MKLN1: variants seen among roughly 807,000 people sequenced by gnomAD.
The protein encoded by MKLN1 is muskelin.
A neutral mutation model predicts 99.0 loss-of-function variants in MKLN1; 18 were observed. The observed-to-expected ratio is 0.18, with a 90% CI of 0.13 to 0.27. The LOEUF (loss-of-function observed/expected upper bound fraction) is 0.27, where lower values mean the gene tolerates loss of function less well. Ranked by LOEUF, MKLN1 falls within the 10% of genes least tolerant of loss-of-function variation. MKLN1 has a pLI of 1.00. For synonymous variants in MKLN1, 288 were observed against 293.2 expected, an observed-to-expected ratio of 0.98 and a Z score of 0.18; for missense variants, 621 against 875.9, an observed-to-expected ratio of 0.71 and a Z score of 3.67.
chr7:131,462,025 T>A (rs1458378114), intron 12 of MKLN1, among the ~76,000 whole-genome samples: 2 of 152,002 alleles, frequency 1.3e-5, no homozygotes, highest in African/African-American at 4.8e-5. Flanking sequence ...ACCCCAGAAT[T>A]TTTATTTATT....
intron 1 of MKLN1, among the ~76,000 whole-genome samples, chr7:131,124,070 C>G (rs1795418308): frequency 2.6e-5 from 4 of 152,174 alleles, no homozygotes; most frequent in Admixed American, 2.0e-4. Context: ...ACCATATAAG[C>G]TTCAGTTTCC....
At chr7:131,247,684 A>C (rs1797512947) in intron 3 of MKLN1, among the ~76,000 whole-genome samples, 1 of 152,156 alleles carries the variant, frequency 6.6e-6, no homozygotes, top group Admixed American at 6.5e-5. Flanking sequence ...CTTGGTTTCC[A>C]CATTTCCTGT....
chr7:131,464,347 T>C lies in MKLN1; in HGVS notation c.1727T>C (p.Leu576Pro). The C allele has an allele frequency of 6.2e-7, 1 of 1,613,784 alleles. No homozygotes were observed. The highest frequency in any genetic ancestry group is 1.3e-5 in the African/African-American group (1 of 75,042). ...QAAKDNPTKS[L>P]QEEEPCPRFA... ...GCAAAGGATAATCCAACTAAAAGTC[T>C]TCAGGAAGAAGAACCATGTCCAAGG... Residue 576 changes from leucine to proline, a missense_variant, in exon 14 of 18, where the codon CTT becomes CCT. Coordinates refer to ENST00000352689, the MANE Select transcript of MKLN1 (RefSeq NM_013255.5).
chr7:131,271,032 T>C (rs1797876014), intron 3 of MKLN1, among the ~76,000 whole-genome samples: 1 of 152,176 alleles, frequency 6.6e-6, no homozygotes, highest in East Asian at 1.9e-4. Flanking sequence ...CTATTCACTA[T>C]GCTAAACTGT....
intron 2 of MKLN1, among the ~76,000 whole-genome samples, chr7:131,193,434 C>T (rs1796596044): frequency 1.3e-5 from 2 of 152,096 alleles, no homozygotes; most frequent in South Asian, 4.1e-4. Context: ...GGTGCGATCT[C>T]AGCTCACTGC....
intron 12 of MKLN1, among the ~76,000 whole-genome samples, chr7:131,457,784 C>T (rs774970867): frequency 5.9e-5 from 9 of 152,172 alleles, no homozygotes; most frequent in East Asian, 5.8e-4. Context: ...GGCTTGGCGG[C>T]GCATGTCTGT....
In MKLN1 at chr7:131,437,008, T is replaced by C. The variant is rs1358429623; in HGVS notation, c.961-777T>C. 2.6e-5 allele frequency among the ~76,000 whole-genome samples: 4 copies of C among 152,326 alleles called. No individual in the cohort carries two copies. In the East Asian group the frequency reaches 7.7e-4, roughly 29 times the overall value. ...TATTAAAGGTATCATCCTGGTCTTA[T>C]ATTTCCTTGCTAGGCTTGTATTTTC... On this transcript the variant is annotated intron_variant, in intron 9 of 17. Coordinates refer to ENST00000352689, the MANE Select transcript of MKLN1 (RefSeq NM_013255.5).
intron 1 of MKLN1, among the ~76,000 whole-genome samples, chr7:131,344,077 A>G (rs539640399): frequency 6.6e-6 from 1 of 152,360 alleles, no homozygotes; most frequent in Non-Finnish European, 1.5e-5. Flanking sequence ...TTTTAAAAAC[A>G]CAGACACATG....
chr7:131,288,922 T>A (rs1477897058), intron 3 of MKLN1, among the ~76,000 whole-genome samples: 1 of 152,200 alleles, frequency 6.6e-6, no homozygotes, highest in African/African-American at 2.4e-5. Context: ...CAAAAGAATC[T>A]GCCTAGTTTG....
In MKLN1 at chr7:131,274,605, C is replaced by T. The variant is rs564969572; in HGVS notation, c.-179+71631C>T. Among the ~76,000 whole-genome samples, 278 of 145,508 alleles carry T rather than the reference C, an allele frequency of 1.9e-3. 2 individuals are homozygous for T. Among genetic ancestry groups the T allele is most frequent in the African/African-American group, 6.6e-3 (255 of 38,714 alleles). ...GCTGCAGTGAACCATGATTGCATCA[C>T]TGCACTCCAGCCTGGGCAACAGAGC... On this transcript the variant is annotated intron_variant, in intron 3 of 7. Transcript: ENST00000416992.
intron 2 of MKLN1, among the ~76,000 whole-genome samples, chr7:131,161,449 C>T (rs924704604): frequency 6.6e-6 from 1 of 152,202 alleles, no homozygotes; most frequent in Non-Finnish European, 1.5e-5. Flanking sequence ...AAATCCAAAA[C>T]TTTTTGAGGA....
chr7:131,469,557 G>A (rs1796759891), intron 15 of MKLN1, among the ~76,000 whole-genome samples: 1 of 152,142 alleles, frequency 6.6e-6, no homozygotes, highest in African/African-American at 2.4e-5. Flanking sequence ...CACTCTTAGG[G>A]TACTGCCTGG....
chr7:131,152,487 T>C (rs1795901434), intron 2 of MKLN1, among the ~76,000 whole-genome samples: 1 of 140,844 alleles, frequency 7.1e-6, no homozygotes, highest in Non-Finnish European at 1.5e-5. Context: ...GTTGTTGTTG[T>C]TGTTTCTTTT....
chr7:131,127,138 C>T lies in MKLN1; in HGVS notation c.-418-15682C>T, dbSNP rs778632956. Among the ~76,000 whole-genome samples the T allele has an allele frequency of 1.5e-4, 22 of 146,874 alleles. 1 individual carries two copies. Among genetic ancestry groups the T allele is most frequent in the South Asian group, 4.3e-4 (2 of 4,648 alleles). On this transcript the variant is annotated intron_variant, in intron 1 of 7. Coordinates refer to the MKLN1 transcript ENST00000416992. ...CGAGATCATGCCATTGCACTCTAAC[C>T]TGGGTGACAAGAGCAAAACTCCATC... is the stretch of plus-strand genomic sequence containing the variant.
At chr7:131,332,947 G>A (rs1045690686) in intron 1 of MKLN1, among the ~76,000 whole-genome samples, 3 of 151,006 alleles carry the variant, frequency 2.0e-5, no homozygotes, top group African/African-American at 7.3e-5. Flanking sequence ...TTTTTTAGAT[G>A]GAGTCTCGCT....
intron 1 of MKLN1, among the ~76,000 whole-genome samples, chr7:131,374,616 A>G (rs1261831956): frequency 6.6e-6 from 1 of 152,134 alleles, no homozygotes; most frequent in Admixed American, 6.5e-5. Context: ...ACTTTACCAA[A>G]TCAAGCAGTG....
At chr7:131,250,503 A>G (rs1357284194) in intron 3 of MKLN1, among the ~76,000 whole-genome samples, 1 of 152,186 alleles carries the variant, frequency 6.6e-6, no homozygotes, top group Non-Finnish European at 1.5e-5. Context: ...CCTGCAGCCA[A>G]GCAGGGCCTG....
chr7:131,174,328 A>G (rs1796262058), intron 2 of MKLN1, among the ~76,000 whole-genome samples: 1 of 151,974 alleles, frequency 6.6e-6, no homozygotes, highest in African/African-American at 2.4e-5. Context: ...TTTTCATTCC[A>G]CAATATGTGT....
chr7:131,192,218 TA>T (rs1410529755), intron 2 of MKLN1, among the ~76,000 whole-genome samples: 1 of 67,036 alleles, frequency 1.5e-5, no homozygotes, highest in Non-Finnish European at 2.7e-5. Flanking sequence ...TATAAATATA[TA>T]AAATATATAC....
Sources: allele counts gnomAD v4.1 joint callset (sites outside exome capture counted in the v4.1 genomes callset), GRCh38; gene constraint gnomAD v4.1.1; transcripts MANE v1.5; gene names NCBI Gene and HGNC (gene_info 2026-07-23, HGNC 2026-07-21).